BAZ2B: variants seen among roughly 807,000 people sequenced by gnomAD.
BAZ2B encodes bromodomain adjacent to zinc finger domain 2B, also known as bromodomain adjacent to zinc finger domain protein 2B.
In BAZ2B, 91 loss-of-function variants were observed where a neutral mutation model predicts 246.0. The observed-to-expected ratio is 0.37, with a 90% CI of 0.31 to 0.44. The LOEUF (loss-of-function observed/expected upper bound fraction) is 0.44. Among genes scored for constraint, BAZ2B ranks in the 20% least tolerant of loss-of-function variants. The probability of loss-of-function intolerance (pLI) is 1.00; values close to 1 mark genes in which losing one functional copy is unlikely to be tolerated. For synonymous variants in BAZ2B, 855 were observed against 860.0 expected, an observed-to-expected ratio of 0.99 and a Z score of 0.10; for missense variants, 2,332 against 2,533.7, an observed-to-expected ratio of 0.92 and a Z score of 1.71.
At chr2:159,419,201 T>C (rs1461864658) in intron 13 of BAZ2B, among the ~76,000 whole-genome samples, 2 of 152,174 alleles carry the variant, frequency 1.3e-5, no homozygotes, top group Non-Finnish European at 2.9e-5. Flanking sequence ...ACCTCTTATA[T>C]GCATTTACAT....
chr2:159,503,328 T>A (rs2082024007), intron 2 of BAZ2B, among the ~76,000 whole-genome samples: 1 of 152,124 alleles, frequency 6.6e-6, no homozygotes, highest in South Asian at 2.1e-4. Flanking sequence ...TACACCACTG[T>A]CTCCTCCTGC....
At chr2:159,484,117 T>G (rs867667801) in intron 2 of BAZ2B, among the ~76,000 whole-genome samples, 3 of 152,140 alleles carry the variant, frequency 2.0e-5, no homozygotes, top group Non-Finnish European at 2.9e-5. Flanking sequence ...GGGATGCTGT[T>G]AAATACCCTA....
intron 2 of BAZ2B, among the ~76,000 whole-genome samples, chr2:159,481,420 T>C (rs1198723139): frequency 2.0e-5 from 3 of 150,482 alleles, no homozygotes; most frequent in Non-Finnish European, 4.4e-5. Context: ...TAAAGTATAA[T>C]AAAAAATATA....
chr2:159,519,225 T>C (rs1431257499), intron 2 of BAZ2B, among the ~76,000 whole-genome samples: 14 of 45,248 alleles, frequency 3.1e-4, no homozygotes, highest in South Asian at 1.8e-3. Flanking sequence ...TTTTTTTTTT[T>C]TTTTTTTTTT....
At chr2:159,518,533 G>T (rs1309935272) in intron 2 of BAZ2B, among the ~76,000 whole-genome samples, 1 of 152,138 alleles carries the variant, frequency 6.6e-6, no homozygotes, top group Non-Finnish European at 1.5e-5. Context: ...AATGAGGTGG[G>T]AAGGCAGAGG....
chr2:159,395,678 A>C, intron 20 of BAZ2B, 91 bp downstream of exon 20: 1 of 1,198,598 alleles, frequency 8.3e-7, no homozygotes, highest in South Asian at 1.6e-5. Flanking sequence ...CAACAAACCT[A>C]TATTCTGAAA....
chr2:159,561,236 T>C (rs937202203), intron 1 of BAZ2B, among the ~76,000 whole-genome samples: 1 of 151,952 alleles, frequency 6.6e-6, no homozygotes, highest in Non-Finnish European at 1.5e-5. Context: ...AATGAGTGAG[T>C]TCTTGCTCAA....
At chr2:159,701,374 T>C in the BAZ2B span, among the ~76,000 whole-genome samples, 2 of 151,950 alleles carry the variant, frequency 1.3e-5, no homozygotes, top group Admixed American at 6.6e-5. Context: ...AAGGCCACTC[T>C]AATGTATTTC....
intron 2 of BAZ2B, among the ~76,000 whole-genome samples, chr2:159,513,562 G>A (rs74623847): frequency 0.018 from 2,759 of 152,132 alleles, 36 homozygotes; most frequent in African/African-American, 0.04. Context: ...TATGTCACAG[G>A]TGATGGCAAC....
At chr2:159,515,563 T>G (rs1235143080) in intron 2 of BAZ2B, among the ~76,000 whole-genome samples, 1 of 152,148 alleles carries the variant, frequency 6.6e-6, no homozygotes, top group Non-Finnish European at 1.5e-5. Context: ...ATAAAATACT[T>G]GTGAAATTCA....
At chr2:159,613,257 T>C (rs1426061736) in intron 1 of BAZ2B, among the ~76,000 whole-genome samples, 1 of 152,060 alleles carries the variant, frequency 6.6e-6, no homozygotes, top group Non-Finnish European at 1.5e-5. Context: ...ACTGAAGAGT[T>C]TAGAAGTATT....
chr2:159,477,682 C>T (rs191430478), intron 3 of BAZ2B, among the ~76,000 whole-genome samples: 238 of 151,962 alleles, frequency 1.6e-3, no homozygotes, highest in African/African-American at 5.1e-3. Flanking sequence ...TGTTTCCTAC[C>T]GATAAATAAA....
At chr2:159,674,862 T>C in the BAZ2B span, among the ~76,000 whole-genome samples, 1 of 152,226 alleles carries the variant, frequency 6.6e-6, no homozygotes, top group African/African-American at 2.4e-5. Flanking sequence ...GTATTTGAAG[T>C]ATATACCTTT....
At chr2:159,589,188 T>C (rs1688722081) in intron 1 of BAZ2B, among the ~76,000 whole-genome samples, 2 of 152,166 alleles carry the variant, frequency 1.3e-5, no homozygotes, top group African/African-American at 4.8e-5. Context: ...TTAGGCTTTT[T>C]ATGGCAAGCT....
intron 3 of BAZ2B, among the ~76,000 whole-genome samples, chr2:159,470,132 T>A (rs2077596109): frequency 6.6e-6 from 1 of 152,144 alleles, no homozygotes. Flanking sequence ...CAAGATTGGC[T>A]TAACTATAAA....
At chr2:159,457,172 G>A (rs1211865781) in intron 3 of BAZ2B, among the ~76,000 whole-genome samples, 1 of 152,028 alleles carries the variant, frequency 6.6e-6, no homozygotes, top group Non-Finnish European at 1.5e-5. Flanking sequence ...TAAACATCAG[G>A]TGCTATGCTT....
At chr2:159,639,796 T>TAAAC in the BAZ2B span, among the ~76,000 whole-genome samples, 4 of 151,284 alleles carry the variant, frequency 2.6e-5, no homozygotes, top group African/African-American at 9.7e-5. Context: ...ACAAAACAAA[T>TAAAC]AAACAAACAA....
At chr2:159,687,954 T>C in the BAZ2B span, among the ~76,000 whole-genome samples, 1 of 152,242 alleles carries the variant, frequency 6.6e-6, no homozygotes, top group Admixed American at 6.5e-5. Flanking sequence ...ACATTTGGTA[T>C]CAGAAATGTT....
At chr2:159,395,078 G>A (rs2063826182) in intron 20 of BAZ2B, among the ~76,000 whole-genome samples, 1 of 151,854 alleles carries the variant, frequency 6.6e-6, no homozygotes, top group Admixed American at 6.6e-5. Context: ...CCATACCTAG[G>A]AGGTAGGTAT....
Sources: allele counts gnomAD v4.1 joint callset (sites outside exome capture counted in the v4.1 genomes callset), GRCh38; gene constraint gnomAD v4.1.1; transcripts MANE v1.5; gene names NCBI Gene and HGNC (gene_info 2026-07-23, HGNC 2026-07-21).